GSTCD: variants seen among roughly 807,000 people sequenced by gnomAD.
The protein encoded by GSTCD is glutathione S-transferase C-terminal domain-containing protein.
GSTCD carries 44 observed loss-of-function variants against 68.3 expected under a neutral mutation model. That is an observed-to-expected ratio of 0.64 (90% confidence interval 0.51 to 0.83). The LOEUF (loss-of-function observed/expected upper bound fraction) is 0.83. Among genes scored for constraint, GSTCD ranks in the 40% least tolerant of loss-of-function variants. GSTCD has a pLI of 0.00. For missense variants in GSTCD, 739 were observed against 735.9 expected (o/e 1.00, Z -0.05); for synonymous variants, 273 against 255.2 (o/e 1.07, Z -0.67).
At chr4:105,741,546 A>T (rs1242560172) in intron 5 of GSTCD, among the ~76,000 whole-genome samples, 1 of 152,226 alleles carries the variant, frequency 6.6e-6, no homozygotes, top group Non-Finnish European at 1.5e-5. Context: ...AGTTTTCTAA[A>T]TGCCACATGT....
At chr4:105,787,768 C>CT (rs916566349) in intron 5 of GSTCD, among the ~76,000 whole-genome samples, 1 of 151,914 alleles carries the variant, frequency 6.6e-6, no homozygotes, top group Non-Finnish European at 1.5e-5. Context: ...TGTTTGAAAG[C>CT]TTTTTTCCCC....
At chr4:105,776,824 C>A (rs1320225056) in intron 5 of GSTCD, among the ~76,000 whole-genome samples, 1 of 152,178 alleles carries the variant, frequency 6.6e-6, no homozygotes, top group African/African-American at 2.4e-5. Flanking sequence ...CTTAAAGATT[C>A]TAACTTTATC....
chr4:105,804,672 T>C (rs1424517244), intron 5 of GSTCD, among the ~76,000 whole-genome samples: 1 of 152,116 alleles, frequency 6.6e-6, no homozygotes, highest in Non-Finnish European at 1.5e-5. Flanking sequence ...CAAGGGTACA[T>C]GTGCAGTATA....
chr4:105,742,953 T>TC (rs1453969611), intron 5 of GSTCD, among the ~76,000 whole-genome samples: 14 of 140,538 alleles, frequency 1.0e-4, no homozygotes, highest in Non-Finnish European at 1.6e-4. Context: ...TTTCTCTCTC[T>TC]TTTTTTTTTT....
At chr4:105,760,996 A>ATTTT (rs35581423) in intron 5 of GSTCD, 194 of 174,862 alleles carry the variant, frequency 1.1e-3, no homozygotes, top group South Asian at 1.8e-3. Flanking sequence ...TCCTTTTTTA[A>ATTTT]TTTTTTTTTT....
chr4:105,742,564 C>T (rs1306815869), intron 5 of GSTCD, among the ~76,000 whole-genome samples: 1 of 152,132 alleles, frequency 6.6e-6, no homozygotes, highest in African/African-American at 2.4e-5. Context: ...ATTGTTGGTA[C>T]AGTCGGTGCA....
chr4:105,723,858 G>A (rs1732947846), intron 3 of GSTCD, among the ~76,000 whole-genome samples: 1 of 151,650 alleles, frequency 6.6e-6, no homozygotes, highest in South Asian at 2.1e-4. Context: ...TACTGACTGA[G>A]GGGATTACTC....
At chr4:105,724,264 A>G (rs532993546) in intron 3 of GSTCD, among the ~76,000 whole-genome samples, 86 of 151,966 alleles carry the variant, frequency 5.7e-4, no homozygotes, top group African/African-American at 2.0e-3. Context: ...CTAAATTTTC[A>G]AGAAAATAGA....
chr4:105,735,092 T>TG (rs1733411432), intron 5 of GSTCD, among the ~76,000 whole-genome samples: 1 of 152,300 alleles, frequency 6.6e-6, no homozygotes, highest in Admixed American at 6.5e-5. Context: ...CTGCCCCTAC[T>TG]GGGGAGTGCC....
At chr4:105,755,144 A>G (rs72671889) in intron 5 of GSTCD, among the ~76,000 whole-genome samples, 6,742 of 146,250 alleles carry the variant, frequency 0.046, 208 homozygotes, top group Middle Eastern at 0.13. Flanking sequence ...GCTACTAGGG[A>G]GGCTGAGCAG....
chr4:105,809,685 A>G (rs551390567), intron 5 of GSTCD, among the ~76,000 whole-genome samples: 21 of 152,214 alleles, frequency 1.4e-4, no homozygotes, highest in Admixed American at 1.3e-3. Flanking sequence ...TAAGCACCTA[A>G]TAAATATTTG....
Position 105,845,610 on chromosome 4 carries a change from C to T in GSTCD, c.*33C>T, listed in dbSNP as rs755303914. ...TATTCACATTTGATATTTTGCCATCCGTCTTCACGTTGGATGCCCAGTGGC... is the reference window on the plus strand; with the variant it reads ...TATTCACATTTGATATTTTGCCATCTGTCTTCACGTTGGATGCCCAGTGGC... On this transcript the variant is annotated 3_prime_UTR_variant, in exon 12 of 12. Coordinates refer to ENST00000515279, the MANE Select transcript of GSTCD (RefSeq NM_001370181.1). The T allele has an allele frequency of 5.6e-6, 9 of 1,610,882 alleles. No homozygotes were observed. Among genetic ancestry groups the T allele is most frequent in the Middle Eastern group, 1.8e-4 (1 of 5,588 alleles).
intron 8 of GSTCD, 83 bp from the exon 9 acceptor site, chr4:105,834,378 A>T: frequency 1.5e-6 from 2 of 1,349,044 alleles, no homozygotes; most frequent in Non-Finnish European, 2.0e-6. Flanking sequence ...TGGTATGGCC[A>T]AATGAGAACT....
chr4:105,757,634 C>G (rs1452371703), intron 5 of GSTCD, among the ~76,000 whole-genome samples: 1 of 152,146 alleles, frequency 6.6e-6, no homozygotes, highest in African/African-American at 2.4e-5. Context: ...TATATAGGTT[C>G]TTGCTAAGAT....
chr4:105,806,236 G>A (rs1327074077), intron 5 of GSTCD, among the ~76,000 whole-genome samples: 1 of 152,028 alleles, frequency 6.6e-6, no homozygotes, highest in African/African-American at 2.4e-5. Flanking sequence ...GATATCTCCA[G>A]TACAAATGAA....
chr4:105,811,156 A>G (rs1722731872), intron 5 of GSTCD, among the ~76,000 whole-genome samples: 2 of 152,136 alleles, frequency 1.3e-5, no homozygotes, highest in Admixed American at 6.6e-5. Context: ...CACTTTTACT[A>G]TGCTAGTGGG....
chr4:105,722,093 A>C (rs1048234399), intron 3 of GSTCD, among the ~76,000 whole-genome samples: 1 of 152,170 alleles, frequency 6.6e-6, no homozygotes, highest in Non-Finnish European at 1.5e-5. Flanking sequence ...TTATCATTTT[A>C]TAAAATCTTG....
chr4:105,766,897 T>TTTA (rs1553961189), intron 5 of GSTCD, among the ~76,000 whole-genome samples: 1 of 143,626 alleles, frequency 7.0e-6, no homozygotes, highest in East Asian at 2.0e-4. Flanking sequence ...CTTTTTTTTT[T>TTTA]TTTTTTTTTT....
intron 5 of GSTCD, among the ~76,000 whole-genome samples, chr4:105,771,529 C>T (rs1553961639): frequency 6.6e-6 from 1 of 152,144 alleles, no homozygotes; most frequent in Non-Finnish European, 1.5e-5. Flanking sequence ...TTTAATCCAT[C>T]TTAAGTTAAT....
Sources: allele counts gnomAD v4.1 joint callset (sites outside exome capture counted in the v4.1 genomes callset), GRCh38; gene constraint gnomAD v4.1.1; transcripts MANE v1.5; gene names NCBI Gene and HGNC (gene_info 2026-07-23, HGNC 2026-07-21).